Variants in ADAM12 observed in about 807,000 individuals in gnomAD.
ADAM12 encodes ADAM metallopeptidase domain 12.
A neutral mutation model predicts 106.4 loss-of-function variants in ADAM12; 70 were observed. The observed-to-expected ratio is 0.66, with a 90% CI of 0.54 to 0.80. The LOEUF is 0.80. ADAM12 is among the 30% of genes least tolerant of loss of function. ADAM12 has a pLI of 0.00. For missense variants in ADAM12, 1,010 were observed against 1,171.9 expected, an observed-to-expected ratio of 0.86 and a Z score of 2.02; for synonymous variants, 420 against 433.5, an observed-to-expected ratio of 0.97 and a Z score of 0.39.
At chr10:126,271,333 T>C (rs938423518) in intron 3 of ADAM12, among the ~76,000 whole-genome samples, 1 of 152,190 alleles carries the variant, frequency 6.6e-6, no homozygotes, top group African/African-American at 2.4e-5. Flanking sequence ...TCTGCCTACT[T>C]AACATTTCTT....
In ADAM12 at chr10:126,066,540, A is replaced by T. The variant is rs1954872260; in HGVS notation, c.1413+177T>A. Among the ~76,000 whole-genome samples the T allele has an allele frequency of 6.6e-6, 1 of 152,232 alleles. No homozygotes were observed. Among genetic ancestry groups the T allele is most frequent in the African/African-American group, 2.4e-5 (1 of 41,460 alleles). ...CAACTGAAGCGTGCATTTCACCCCA[A>T]GATTGGAAGCTAAACAGTAAGAGGT... On this transcript the variant is annotated intron_variant, in intron 13 of 22. Transcript: ENST00000448723. The surrounding 1 kb of genome is among the most constrained non-coding windows in gnomAD (Gnocchi z 5.1).
At chr10:126,330,799 A>T (rs1434454886) in intron 1 of ADAM12, among the ~76,000 whole-genome samples, 7 of 152,242 alleles carry the variant, frequency 4.6e-5, no homozygotes, top group Non-Finnish European at 7.3e-5. Flanking sequence ...CAGTCCTTCA[A>T]CAAGCAACAA....
At chr10:126,055,995 G>C (rs960397819) in intron 14 of ADAM12, among the ~76,000 whole-genome samples, 1 of 152,306 alleles carries the variant, frequency 6.6e-6, no homozygotes, top group Non-Finnish European at 1.5e-5. Context: ...GAAAAATTCG[G>C]AGTAGAATGA....
chr10:126,092,756 T>A (rs909206814), intron 11 of ADAM12, among the ~76,000 whole-genome samples: 2 of 152,162 alleles, frequency 1.3e-5, no homozygotes, highest in East Asian at 1.9e-4. Flanking sequence ...ATGGGGGCGA[T>A]GAACATGAGG....
intron 3 of ADAM12, among the ~76,000 whole-genome samples, chr10:126,278,470 A>G (rs1959386930): frequency 6.6e-6 from 1 of 152,238 alleles, no homozygotes; most frequent in Admixed American, 6.5e-5. Flanking sequence ...TGACAGAAAT[A>G]GTCCAAATCA....
chr10:126,158,544 G>A (rs1377882834), intron 3 of ADAM12, among the ~76,000 whole-genome samples: 1 of 134,948 alleles, frequency 7.4e-6, no homozygotes, highest in Non-Finnish European at 1.6e-5. Flanking sequence ...AGCACGGGGA[G>A]GATGCACAGA....
intron 11 of ADAM12, among the ~76,000 whole-genome samples, chr10:126,086,941 G>A (rs1174290652): frequency 6.6e-6 from 1 of 151,186 alleles, no homozygotes; most frequent in East Asian, 2.0e-4. Flanking sequence ...GCTGAGGCAG[G>A]AGAATTGCTT....
At chr10:126,324,500 C>T (rs956374713) in intron 2 of ADAM12, among the ~76,000 whole-genome samples, 9 of 152,118 alleles carry the variant, frequency 5.9e-5, no homozygotes, top group Non-Finnish European at 1.0e-4. Context: ...AGGTGTCATC[C>T]GGGACTTCCG....
At chr10:126,260,952 T>C (rs962751709) in intron 3 of ADAM12, among the ~76,000 whole-genome samples, 7 of 152,126 alleles carry the variant, frequency 4.6e-5, no homozygotes, top group Admixed American at 2.0e-4. Context: ...TTGAAAATAA[T>C]TGGGGGAGAA....
At chr10:126,161,592 T>G (rs1368775399) in intron 3 of ADAM12, among the ~76,000 whole-genome samples, 1 of 152,254 alleles carries the variant, frequency 6.6e-6, no homozygotes, top group Admixed American at 6.5e-5. Context: ...CTGCCCCTTT[T>G]GCTTCGGGCT....
At chr10:126,290,370 C>T (rs1397842744) in intron 2 of ADAM12, among the ~76,000 whole-genome samples, 1 of 152,080 alleles carries the variant, frequency 6.6e-6, no homozygotes, top group Non-Finnish European at 1.5e-5. Flanking sequence ...GGGCTTCTGA[C>T]CTTGAGATTT....
intron 1 of ADAM12, among the ~76,000 whole-genome samples, chr10:126,361,559 AAT>A (rs1321328975): frequency 6.6e-6 from 1 of 152,248 alleles, no homozygotes; most frequent in Non-Finnish European, 1.5e-5. Context: ...TAGCAACTAA[AAT>A]AGCATGGTAC....
chr10:126,020,203 G>A (rs924707326), intron 21 of ADAM12, among the ~76,000 whole-genome samples: 7 of 152,114 alleles, frequency 4.6e-5, no homozygotes, highest in Non-Finnish European at 7.3e-5. Flanking sequence ...CATCACATTC[G>A]TTTCTTCAGT....
At chr10:126,266,898 C>T (rs1364729633) in intron 3 of ADAM12, among the ~76,000 whole-genome samples, 2 of 152,154 alleles carry the variant, frequency 1.3e-5, no homozygotes, top group African/African-American at 4.8e-5. Context: ...GCAGAAGAAA[C>T]CTCTTCCATG....
intron 3 of ADAM12, among the ~76,000 whole-genome samples, chr10:126,251,959 A>AACGG (rs1554995906): frequency 4.6e-5 from 2 of 43,854 alleles, no homozygotes; most frequent in Non-Finnish European, 4.4e-5. Flanking sequence ...GGATGGATAG[A>AACGG]ATGGATAGAT....
chr10:126,039,046 G>C (rs1355904729), intron 19 of ADAM12, among the ~76,000 whole-genome samples: 1 of 131,970 alleles, frequency 7.6e-6, no homozygotes, highest in Non-Finnish European at 1.5e-5. Flanking sequence ...TGCAAGCTCC[G>C]CCTCCCGGGT....
chr10:126,081,729 A>C (rs1406777472), intron 11 of ADAM12, among the ~76,000 whole-genome samples: 1 of 152,224 alleles, frequency 6.6e-6, no homozygotes, highest in East Asian at 1.9e-4. Context: ...GCTTCAAACA[A>C]AAAGATCAAA....
chr10:126,237,072 C>T (rs530587722), intron 3 of ADAM12, among the ~76,000 whole-genome samples: 2 of 152,234 alleles, frequency 1.3e-5, no homozygotes, highest in Admixed American at 6.5e-5. Flanking sequence ...CCCCTCCCCC[C>T]ATTTCCCCAG....
rs188145691 is a variant in ADAM12, at chr10:126,264,989, T to C, written c.260+13926A>G. 3.9e-5 allele frequency among the ~76,000 whole-genome samples: 6 copies of C among 152,266 alleles called. No homozygotes were observed. The East Asian group carries it at 1.2e-3, about 29-fold the overall frequency. On this transcript the variant is annotated intron_variant, in intron 3 of 22. Coordinates refer to ENST00000448723, the MANE Select transcript of ADAM12 (RefSeq NM_001288973.2). ...TATCCAGCACTCTAAATAAAAAGAT[T>C]TGTGTAATATCTATATGGGTAATTT...
Sources: allele counts gnomAD v4.1 joint callset (sites outside exome capture counted in the v4.1 genomes callset), GRCh38; gene constraint gnomAD v4.1.1; non-coding constraint Gnocchi (gnomAD v3.1); transcripts MANE v1.5; gene names NCBI Gene and HGNC (gene_info 2026-07-23, HGNC 2026-07-21).